The following PTPRN2 variants were observed in gnomAD, a reference collection of about 807,000 sequenced individuals.
PTPRN2 encodes protein tyrosine phosphatase receptor type N2.
PTPRN2 carries 74 observed loss-of-function variants against 118.8 expected under a neutral mutation model. That is an observed-to-expected ratio of 0.62 (90% CI 0.52 to 0.76). PTPRN2 has a LOEUF of 0.76. Ranked by LOEUF, PTPRN2 falls within the 30% of genes least tolerant of loss-of-function variation. The pLI, the probability that PTPRN2 is intolerant of heterozygous loss-of-function variation, is 0.00. For missense variants in PTPRN2, 1,481 were observed against 1,394.4 expected (o/e 1.06, Z -0.99); for synonymous variants, 641 against 608.0 (o/e 1.05, Z -0.80).
intron 3 of PTPRN2, among the ~76,000 whole-genome samples, chr7:158,224,135 A>G (rs938702336): frequency 2.0e-5 from 3 of 152,230 alleles, no homozygotes; most frequent in African/African-American, 2.4e-5. Flanking sequence ...CAGACATACC[A>G]TGTTGGTAGA....
At chr7:158,321,861 A>G (rs1387940528) in intron 2 of PTPRN2, among the ~76,000 whole-genome samples, 1 of 152,240 alleles carries the variant, frequency 6.6e-6, no homozygotes, top group African/African-American at 2.4e-5. Flanking sequence ...GCACATAAGC[A>G]CAGCCGCTAA....
At chr7:157,909,446 C>T (rs1320722590) in intron 11 of PTPRN2, among the ~76,000 whole-genome samples, 1 of 152,242 alleles carries the variant, frequency 6.6e-6, no homozygotes, top group African/African-American at 2.4e-5. Context: ...AAGCCCTGCG[C>T]TGGCGCATCT....
chr7:158,514,360 C>A (rs1823387767), intron 1 of PTPRN2, among the ~76,000 whole-genome samples: 1 of 152,164 alleles, frequency 6.6e-6, no homozygotes, highest in South Asian at 2.1e-4. Flanking sequence ...GGAGATGACC[C>A]CAGGATGGCA....
At chr7:158,096,650 T>C (rs1814647729) in intron 10 of PTPRN2, among the ~76,000 whole-genome samples, 1 of 152,230 alleles carries the variant, frequency 6.6e-6, no homozygotes, top group Admixed American at 6.5e-5. Flanking sequence ...AGCTTGCACC[T>C]TTGCAACTGC....
At chr7:158,235,988 C>T (rs1829508940) in intron 3 of PTPRN2, among the ~76,000 whole-genome samples, 1 of 152,164 alleles carries the variant, frequency 6.6e-6, no homozygotes, top group Non-Finnish European at 1.5e-5. Context: ...GGCTGCTTAG[C>T]ATTCTAGGAC....
chr7:158,072,011 C>T (rs375373517), intron 11 of PTPRN2, among the ~76,000 whole-genome samples: 5 of 84,670 alleles, frequency 5.9e-5, no homozygotes, highest in Admixed American at 1.4e-4. Context: ...AGGTGCTCGT[C>T]GTATGGAGGT....
chr7:158,190,433 G>A (rs1327808402), intron 5 of PTPRN2, among the ~76,000 whole-genome samples: 1 of 152,224 alleles, frequency 6.6e-6, no homozygotes, highest in Non-Finnish European at 1.5e-5. Flanking sequence ...TCTAGGGTTA[G>A]GCCCACACAG....
chr7:157,971,147 T>G (rs952852691), intron 11 of PTPRN2, among the ~76,000 whole-genome samples: 2 of 152,226 alleles, frequency 1.3e-5, no homozygotes, highest in Non-Finnish European at 2.9e-5. Flanking sequence ...ATTCTGTTCA[T>G]CTTTGTTCTT....
At chr7:158,043,796 A>G (rs1374182407) in intron 11 of PTPRN2, among the ~76,000 whole-genome samples, 3 of 152,204 alleles carry the variant, frequency 2.0e-5, no homozygotes, top group African/African-American at 7.2e-5. Flanking sequence ...AAGACCCACC[A>G]TTTCTTCAGA....
chr7:158,332,892 C>A (rs1804784439), intron 2 of PTPRN2, among the ~76,000 whole-genome samples: 1 of 151,106 alleles, frequency 6.6e-6, no homozygotes, highest in Non-Finnish European at 1.5e-5. Context: ...GTGACACCTG[C>A]AAACGTCACT....
intron 1 of PTPRN2, among the ~76,000 whole-genome samples, chr7:158,553,946 G>C (rs923583396): frequency 6.6e-6 from 1 of 151,976 alleles, no homozygotes; most frequent in African/African-American, 2.4e-5. Flanking sequence ...ACACACACAG[G>C]CTTGGGAGTC....
Position 157,996,576 on chromosome 7 carries a change from G to A in PTPRN2, c.1723+84722C>T, listed in dbSNP as rs149084532. On this transcript the variant is annotated intron_variant, in intron 11 of 22. Coordinates refer to ENST00000389418, the MANE Select transcript of PTPRN2 (RefSeq NM_002847.5). ...TGCACATGGGGGCTCCCACCACCCC[G>A]AGGGCCGGTCCCCCATGCCTGTTGG... Among the ~76,000 whole-genome samples, 101 of 152,330 alleles carry A rather than the reference G, an allele frequency of 6.6e-4. 7 individuals are homozygous for A. The East Asian group carries it at 0.019, about 28-fold the overall frequency.
intron 2 of PTPRN2, among the ~76,000 whole-genome samples, chr7:158,462,474 T>A (rs1819076923): frequency 6.6e-6 from 1 of 152,050 alleles, no homozygotes; most frequent in Non-Finnish European, 1.5e-5. Flanking sequence ...ACACACAGAG[T>A]CCTAGAGATG....
rs549876204 is a variant in PTPRN2, at chr7:157,853,422, C to A, written c.1788+45251G>T. Among the ~76,000 whole-genome samples, 5 of 152,306 alleles carry A rather than the reference C, an allele frequency of 3.3e-5. No homozygotes were observed. In the East Asian group the frequency reaches 9.7e-4, roughly 29 times the overall value. On this transcript the variant is annotated intron_variant, in intron 12 of 22. Transcript: ENST00000389418. ...CGTGCCCACTTTAAACCCTGGAGAA[C>A]CATGTTTGCCTCTGTCTGGCCCTCT...
In PTPRN2 at chr7:157,655,831, G is replaced by C. The variant is rs75105732; in HGVS notation, c.2196+526C>G. ...CGTGATCACTCCAGCGAGGACCCTGGAAAAGGCCGCTGAAGCCGCGTCGCC... is the reference window on the plus strand; with the variant it reads ...CGTGATCACTCCAGCGAGGACCCTGCAAAAGGCCGCTGAAGCCGCGTCGCC... On this transcript the variant is annotated intron_variant, in intron 14 of 22. Coordinates refer to ENST00000389418, the MANE Select transcript of PTPRN2 (RefSeq NM_002847.5). Among the ~76,000 whole-genome samples, 876 of 152,234 alleles carry C rather than the reference G, an allele frequency of 5.8e-3. 6 individuals are homozygous for C. Among genetic ancestry groups the C allele is most frequent in the Non-Finnish European group, 8.9e-3 (607 of 68,008 alleles).
At chr7:157,707,647 G>A (rs559668233) in intron 12 of PTPRN2, among the ~76,000 whole-genome samples, 4 of 151,834 alleles carry the variant, frequency 2.6e-5, no homozygotes, top group East Asian at 1.9e-4. Context: ...GCAGTGACAC[G>A]ATCTCTGCTC....
At chr7:158,084,205 C>T (rs1813071019) in intron 10 of PTPRN2, among the ~76,000 whole-genome samples, 1 of 152,214 alleles carries the variant, frequency 6.6e-6, no homozygotes, top group Non-Finnish European at 1.5e-5. Flanking sequence ...GCTCTGCCCC[C>T]AGCACCATCA....
chr7:158,336,918 C>G (rs1401628312), intron 2 of PTPRN2, among the ~76,000 whole-genome samples: 2 of 102,946 alleles, frequency 1.9e-5, no homozygotes, highest in Admixed American at 1.9e-4. Context: ...ATCCGACGCC[C>G]GCAGACGTCA....
intron 2 of PTPRN2, among the ~76,000 whole-genome samples, chr7:158,332,674 C>CGT (rs1804732153): frequency 6.7e-6 from 1 of 148,678 alleles, no homozygotes; most frequent in African/African-American, 2.5e-5. Context: ...ACATCACTCA[C>CGT]ACCCACACTC....
Sources: gnomAD v4.1 joint callset for allele counts (sites outside exome capture counted in the v4.1 genomes callset) on GRCh38, gnomAD v4.1.1 for gene constraint, MANE v1.5 for transcripts, NCBI Gene and HGNC (gene_info 2026-07-23, HGNC 2026-07-21) for gene names.